Variants in BNC1 observed in about 807,000 individuals in gnomAD.
BNC1 encodes the protein zinc finger protein basonuclin-1.
In BNC1, 8 loss-of-function variants were observed where a neutral mutation model predicts 66.5. The observed-to-expected ratio is 0.12, with a 90% CI of 0.07 to 0.22. BNC1 has a LOEUF of 0.22. BNC1 is among the 10% of genes least tolerant of loss of function. BNC1 has a pLI of 1.00. For synonymous variants in BNC1, 454 were observed against 452.6 expected (o/e 1.00, Z -0.04); for missense variants, 1,069 against 1,241.3 (o/e 0.86, Z 2.09).
Position 83,263,415 on chromosome 15 carries a change from T to G in BNC1, c.1836A>C (p.Glu612Asp). 1 of 1,614,206 alleles carries G rather than the reference T, an allele frequency of 6.2e-7. No individual in the cohort carries two copies. Among genetic ancestry groups the G allele is most frequent in the South Asian group, 1.1e-5 (1 of 91,086 alleles). The change falls in exon 4 of 5, where the codon GAA (glutamate) becomes GAC (aspartate). Residue 612 changes from glutamate (E) to aspartate (D), a missense_variant. Physicochemically the swap from Glu to Asp is conservative, Grantham distance 45 (BLOSUM62 2). Transcript: ENST00000345382. ...FPEGERPCHR[E>D]SVIESSGAIS... ...TGGCTCCACTGGACTCAATTACTGA[T>G]TCACGATGGCAGGGCCTCTCCCCTT...
chr15:83,267,884 A>G (rs943116491), intron 2 of BNC1, among the ~76,000 whole-genome samples: 4 of 152,222 alleles, frequency 2.6e-5, no homozygotes, highest in African/African-American at 9.6e-5. Flanking sequence ...GAATACTTCT[A>G]TCATTACAGA....
rs1237501358 is a variant in BNC1 at position 83,264,098 on chromosome 15, G to A, written c.1153C>T (p.His385Tyr). 2 of 1,614,168 alleles carry A rather than the reference G, an allele frequency of 1.2e-6. No individual in the cohort carries two copies. The highest frequency in any genetic ancestry group is 2.2e-5 in the East Asian group (1 of 44,876). The part of the protein sequence containing the change: ...HYNAVHLKIK[H>Y]KCTIEGCNMV... ...TTACACCCTTCGATGGTGCACTTAT[G>A]CTTGATCTTCAAGTGGACGGCATTG... Residue 385 changes from histidine to tyrosine, a missense_variant, in exon 4 of 5, where the codon CAT becomes TAT. Physicochemically the swap from His to Tyr is moderately conservative, Grantham distance 83. Coordinates refer to ENST00000345382, the MANE Select transcript of BNC1 (RefSeq NM_001717.4).
chr15:83,265,551 AT>A (rs1200933565), intron 3 of BNC1, among the ~76,000 whole-genome samples: 1 of 152,186 alleles, frequency 6.6e-6, no homozygotes, highest in African/African-American at 2.4e-5. Flanking sequence ...CATATTTTTA[AT>A]CCTAACACTA....
intron 4 of BNC1, 51 bp from the exon 5 acceptor site, chr15:83,258,177 G>C (rs369030931): frequency 3.3e-6 from 5 of 1,517,848 alleles, no homozygotes; most frequent in Non-Finnish European, 4.5e-6. Context: ...TTTAGAAACA[G>C]TCATCATTCT....
intron 1 of BNC1, among the ~76,000 whole-genome samples, chr15:83,269,516 G>T (rs1308352454): frequency 6.6e-6 from 1 of 152,098 alleles, no homozygotes; most frequent in African/African-American, 2.4e-5. Flanking sequence ...CCAATTGAGG[G>T]ACTATGTGGC....
intron 1 of BNC1, among the ~76,000 whole-genome samples, chr15:83,276,009 A>C (rs916674331): frequency 2.6e-5 from 4 of 152,132 alleles, no homozygotes; most frequent in Non-Finnish European, 5.9e-5. Context: ...GAGGTAGTAA[A>C]ACCTAGGATT....
At chr15:83,283,337 G>T (rs1012643055) in intron 1 of BNC1, 42 of 1,467,184 alleles carry the variant, frequency 2.9e-5, no homozygotes, top group Non-Finnish European at 3.1e-5. Context: ...GGCGGCGGCG[G>T]GGCTCCGGGT....
At chr15:83,284,489 GCA>G (rs2038423027) in intron 1 of BNC1, 39 bp downstream of exon 1, 4 of 1,179,372 alleles carry the variant, frequency 3.4e-6, no homozygotes, top group Admixed American at 3.9e-5. Flanking sequence ...CCTGCTCCGC[GCA>G]CAGAGAATCC....
At chr15:83,284,106 A>T (rs1321089665) in intron 1 of BNC1, among the ~76,000 whole-genome samples, 1 of 151,896 alleles carries the variant, frequency 6.6e-6, no homozygotes, top group Non-Finnish European at 1.5e-5. Context: ...TAAAAGAAAA[A>T]AAAAAAAAGA....
rs571888639 is a variant in BNC1, at chr15:83,277,914, T to A, written c.99+6616A>T. ...CCTCTGCACTTCTTACTTTCCTTATTAGAACTGGATTTTTTTTTTCTCCTT... is the reference window on the plus strand; with the variant it reads ...CCTCTGCACTTCTTACTTTCCTTATAAGAACTGGATTTTTTTTTTCTCCTT... On this transcript the variant is annotated intron_variant, in intron 1 of 4. Transcript: ENST00000345382. Among the ~76,000 whole-genome samples, 101 of 152,310 alleles carry A rather than the reference T, an allele frequency of 6.6e-4. 1 individual carries two copies. Among genetic ancestry groups the A allele is most frequent in the African/African-American group, 2.3e-3 (94 of 41,568 alleles).
chr15:83,263,715 C>T lies in BNC1; in HGVS notation c.1536G>A (p.Pro512=), dbSNP rs148558092. The T allele has an allele frequency of 4.0e-5, 65 of 1,613,978 alleles. 1 individual carries two copies. Among genetic ancestry groups the T allele is most frequent in the African/African-American group, 1.5e-4 (11 of 74,882 alleles). Residue 512 remains proline, a synonymous_variant, in exon 4 of 5, where the codon CCG becomes CCA. Transcript: ENST00000345382. ...ANTPGILPSL[P]LLSSSIPEQL... ...GTTCTGGGATTGAAGAGGACAACAG[C>T]GGGAGGGAAGGGAGTATCCCAGGCG...
chr15:83,266,146 G>C (rs1328295015), intron 3 of BNC1, among the ~76,000 whole-genome samples: 1 of 151,872 alleles, frequency 6.6e-6, no homozygotes, highest in Non-Finnish European at 1.5e-5. Context: ...CATGATCTGG[G>C]AACAGAGGTA....
intron 2 of BNC1, among the ~76,000 whole-genome samples, 166 bp from the exon 3 acceptor site, chr15:83,267,237 T>C (rs2038227161): frequency 3.3e-5 from 5 of 152,234 alleles, no homozygotes; most frequent in Admixed American, 3.3e-4. Flanking sequence ...TCAAATTATT[T>C]ACAGGAACTT....
intron 4 of BNC1, among the ~76,000 whole-genome samples, chr15:83,262,056 T>G (rs954528421): frequency 5.4e-5 from 8 of 149,270 alleles, no homozygotes; most frequent in East Asian, 3.9e-4. Flanking sequence ...TTTTTTTTTT[T>G]TTTTTTTTTT....
intron 1 of BNC1, among the ~76,000 whole-genome samples, chr15:83,269,954 A>G (rs2038254180): frequency 1.3e-5 from 2 of 152,238 alleles, no homozygotes; most frequent in African/African-American, 4.8e-5. Flanking sequence ...ATTATGTACT[A>G]AGTGAGAGAA....
At chr15:83,266,752 T>C in intron 3 of BNC1, 84 bp downstream of exon 3, 9 of 1,192,962 alleles carry the variant, frequency 7.5e-6, no homozygotes, top group South Asian at 4.9e-5. Flanking sequence ...GGCTGTAGCA[T>C]TGGGAGGTAA....
Position 83,263,420 on chromosome 15 carries a change from G to A in BNC1, c.1831C>T (p.Arg611Cys), listed in dbSNP as rs368320013. 7.4e-6 allele frequency: 12 copies of A among 1,614,168 alleles called. No homozygotes were observed. The highest frequency in any genetic ancestry group is 1.1e-5 in the South Asian group (1 of 91,076). Residue 611 changes from arginine (R) to cysteine (C), a missense_variant, in exon 4 of 5, where the codon CGT (arginine) becomes TGT (cysteine). Coordinates refer to ENST00000345382, the MANE Select transcript of BNC1 (RefSeq NM_001717.4). ...CCACTGGACTCAATTACTGATTCAC[G>A]ATGGCAGGGCCTCTCCCCTTCAGGG... The part of the protein sequence containing the change: ...PFPEGERPCH[R>C]ESVIESSGAI...
intron 1 of BNC1, among the ~76,000 whole-genome samples, chr15:83,284,026 C>T (rs1473866906): frequency 6.6e-6 from 1 of 151,732 alleles, no homozygotes; most frequent in Non-Finnish European, 1.5e-5. Context: ...GCGCCCCGTT[C>T]TCCAGAGAAA....
At chr15:83,264,964 C>T in intron 3 of BNC1, 149 bp from the exon 4 acceptor site, 1 of 748,514 alleles carries the variant, frequency 1.3e-6, no homozygotes, top group African/African-American at 1.8e-5. Flanking sequence ...CCCTGCTCAC[C>T]CTACTCTCCC....
Sources: allele counts gnomAD v4.1 joint callset (sites outside exome capture counted in the v4.1 genomes callset), GRCh38; gene constraint gnomAD v4.1.1; transcripts MANE v1.5; gene names NCBI Gene and HGNC (gene_info 2026-07-23, HGNC 2026-07-21).